Variants in FAT3 observed in about 807,000 individuals in gnomAD.
FAT3 encodes protocadherin Fat 3.
FAT3 carries 95 observed loss-of-function variants against 310.2 expected under a neutral mutation model. The observed-to-expected ratio is 0.31, with a 90% CI of 0.26 to 0.36. The LOEUF is 0.36. Among genes scored for constraint, FAT3 ranks in the 10% least tolerant of loss-of-function variants. The pLI, the probability that FAT3 is intolerant of heterozygous loss-of-function variation, is 1.00. For missense variants in FAT3, 5,408 were observed against 5,715.6 expected (o/e 0.95, Z 1.74); for synonymous variants, 2,314 against 2,192.9 (o/e 1.06, Z -1.54).
chr11:92,537,683 G>A (rs1954305147), intron 3 of FAT3, among the ~76,000 whole-genome samples: 1 of 152,122 alleles, frequency 6.6e-6, no homozygotes, highest in African/African-American at 2.4e-5. Context: ...ACTCTGATAG[G>A]CATTACTGAA....
intron 13 of FAT3, among the ~76,000 whole-genome samples, chr11:92,829,680 G>A (rs1210029774): frequency 1.3e-5 from 2 of 152,172 alleles, no homozygotes; most frequent in African/African-American, 4.8e-5. Flanking sequence ...GAGACAGCAA[G>A]AGAAGAGGAA....
chr11:92,493,948 G>A (rs187140514), intron 2 of FAT3, among the ~76,000 whole-genome samples: 87 of 152,084 alleles, frequency 5.7e-4, no homozygotes, highest in Non-Finnish European at 1.1e-3. Context: ...ATGAGCAGAA[G>A]CTACACAGAC....
chr11:92,371,679 T>C (rs1417621074), intron 2 of FAT3, among the ~76,000 whole-genome samples: 1 of 152,176 alleles, frequency 6.6e-6, no homozygotes, highest in Non-Finnish European at 1.5e-5. Context: ...ATCGTGCCAC[T>C]GTGCTCCAGC....
chr11:92,555,532 C>T (rs1954987497), intron 3 of FAT3, among the ~76,000 whole-genome samples: 1 of 152,162 alleles, frequency 6.6e-6, no homozygotes, highest in Admixed American at 6.5e-5. Flanking sequence ...TTGGTTTGTT[C>T]ATTCAGGTGT....
intron 17 of FAT3, among the ~76,000 whole-genome samples, chr11:92,839,143 A>G (rs777350861): frequency 1.6e-4 from 24 of 152,228 alleles, no homozygotes; most frequent in Non-Finnish European, 2.5e-4. Flanking sequence ...TATGACACAC[A>G]TCAATCAGCT....
intron 6 of FAT3, among the ~76,000 whole-genome samples, chr11:92,767,649 T>A (rs527659051): frequency 6.6e-6 from 1 of 152,290 alleles, no homozygotes; most frequent in South Asian, 2.1e-4. Context: ...TGTCTGTAGG[T>A]AAGCATACCT....
chr11:92,666,551 G>A (rs575917114), intron 3 of FAT3, among the ~76,000 whole-genome samples: 106 of 150,112 alleles, frequency 7.1e-4, no homozygotes, highest in Admixed American at 3.5e-3. Context: ...TAGTAGAGAC[G>A]GGGTTTCACC....
intron 13 of FAT3, among the ~76,000 whole-genome samples, chr11:92,829,186 A>G (rs1307389137): frequency 6.6e-6 from 1 of 152,214 alleles, no homozygotes; most frequent in African/African-American, 2.4e-5. Context: ...GTTGTTCCTC[A>G]TGCCTACCTA....
chr11:92,781,342 C>A (rs2136133739), intron 7 of FAT3, among the ~76,000 whole-genome samples: 1 of 151,930 alleles, frequency 6.6e-6, no homozygotes, highest in Non-Finnish European at 1.5e-5. Context: ...CTTGGCCTCC[C>A]ACCGAGCCAC....
chr11:92,351,334 A>G (rs1428999913), intron 1 of FAT3, among the ~76,000 whole-genome samples: 1 of 152,304 alleles, frequency 6.6e-6, no homozygotes, highest in South Asian at 2.1e-4. Flanking sequence ...GAAGCATTTT[A>G]AAAAGATTAT....
intron 4 of FAT3, among the ~76,000 whole-genome samples, chr11:92,727,128 A>G (rs1350042990): frequency 6.6e-6 from 1 of 152,240 alleles, no homozygotes; most frequent in Non-Finnish European, 1.5e-5. Flanking sequence ...ATGTTTTGGT[A>G]AATTTAGCAC....
intron 2 of FAT3, among the ~76,000 whole-genome samples, chr11:92,365,540 T>C (rs1948995318): frequency 6.6e-6 from 1 of 152,260 alleles, no homozygotes; most frequent in African/African-American, 2.4e-5. Context: ...TCTGTTGTTA[T>C]GGAGCTTTGC....
intron 3 of FAT3, among the ~76,000 whole-genome samples, chr11:92,617,292 A>G (rs1565460409): frequency 6.6e-6 from 1 of 152,156 alleles, no homozygotes; most frequent in Admixed American, 6.6e-5. Context: ...TCATGCATTC[A>G]TCACGTAGTT....
rs149894510 is a variant in FAT3, at chr11:92,884,491, G to A, written c.12937+1098G>A. ...TCATCAGGACAAATGGCTTTGTATC[G>A]CAGTAGCAGCTGTGTCCTAGGTAGC... On this transcript the variant is annotated intron_variant, in intron 24 of 27. Coordinates refer to ENST00000525166, the MANE Select transcript of FAT3 (RefSeq NM_001367949.2). Among the ~76,000 whole-genome samples, 232 of 152,238 alleles carry A rather than the reference G, an allele frequency of 1.5e-3. 1 individual carries two copies. The highest frequency in any genetic ancestry group is 2.0e-3 in the African/African-American group (82 of 41,538).
intron 2 of FAT3, among the ~76,000 whole-genome samples, chr11:92,364,231 G>A (rs1387900025): frequency 6.6e-6 from 1 of 152,012 alleles, no homozygotes; most frequent in Non-Finnish European, 1.5e-5. Flanking sequence ...ATTTTCAATG[G>A]CTTACCGGCC....
intron 4 of FAT3, among the ~76,000 whole-genome samples, chr11:92,755,151 CATG>C (rs1172367138): frequency 6.6e-6 from 1 of 152,074 alleles, no homozygotes; most frequent in East Asian, 1.9e-4. Flanking sequence ...TGTTTTACAT[CATG>C]GTGATTATAC....
At position 92,801,185 on chromosome 11, in the gene FAT3, G is replaced by T; in HGVS notation, c.8172G>T (p.Gly2724=). The change falls in exon 10 of 28, where the codon GGG becomes GGT. Residue 2724 remains glycine, a synonymous_variant. Coordinates refer to ENST00000525166, the MANE Select transcript of FAT3 (RefSeq NM_001367949.2). ...CCATTGCAGAAGATACAGCCATTGG[G>T]AGTACAGTGGACACCCTGAGGATTT... ...SFTIAEDTAI[G]STVDTLRILP... 6.2e-7 allele frequency: 1 copy of T among 1,613,888 alleles called. No homozygotes were observed. The highest frequency in any genetic ancestry group is 8.5e-7 in the Non-Finnish European group (1 of 1,179,870).
At chr11:92,718,483 G>T (rs1410643019) in intron 4 of FAT3, among the ~76,000 whole-genome samples, 1 of 152,296 alleles carries the variant, frequency 6.6e-6, no homozygotes, top group South Asian at 2.1e-4. Flanking sequence ...GTGCCCACAT[G>T]TGGAGCAGAC....
intron 1 of FAT3, 123 bp from the exon 2 acceptor site, chr11:92,351,973 T>G: frequency 1.8e-6 from 1 of 561,052 alleles, no homozygotes; most frequent in Non-Finnish European, 2.4e-6. Context: ...TATATTGCTG[T>G]TTTAGTAAAA....
Sources: gnomAD v4.1 joint callset for allele counts (sites outside exome capture counted in the v4.1 genomes callset) on GRCh38, gnomAD v4.1.1 for gene constraint, MANE v1.5 for transcripts, NCBI Gene and HGNC (gene_info 2026-07-23, HGNC 2026-07-21) for gene names.